Variants in IQCM observed in about 807,000 individuals in gnomAD.
The protein encoded by IQCM is IQ motif containing M.
Under a neutral mutation model 57.6 loss-of-function variants are expected in IQCM, and 45 were observed. The ratio of observed to expected loss-of-function variants is 0.78; its 90% CI spans 0.62 to 1.00. IQCM has a LOEUF of 1.00. Ranked by LOEUF, IQCM falls within the 50% of genes least tolerant of loss-of-function variation. The pLI is 0.00. For missense variants in IQCM, 468 were observed against 511.6 expected (o/e 0.91, Z 0.82); for synonymous variants, 148 against 158.9 (o/e 0.93, Z 0.51).
chr4:149,711,205 C>T (rs1302293030), intron 5 of IQCM: 1 of 152,120 alleles, frequency 6.6e-6, no homozygotes, highest in African/African-American at 2.4e-5. Flanking sequence ...AGAAAAGCAA[C>T]TTGCTCAAGG....
intron 12 of IQCM, among the ~76,000 whole-genome samples, chr4:149,518,527 G>A (rs1165537562): frequency 2.0e-5 from 3 of 152,114 alleles, no homozygotes; most frequent in Non-Finnish European, 4.4e-5. Context: ...CAAATAAGGG[G>A]ATATTTAGGG....
At chr4:149,692,843 T>A (rs796857269) in intron 5 of IQCM, among the ~76,000 whole-genome samples, 2 of 152,000 alleles carry the variant, frequency 1.3e-5, no homozygotes, top group East Asian at 1.9e-4. Context: ...GAAATATAAA[T>A]TATAAATAAC....
chr4:149,786,652 A>T (rs1462581042), intron 2 of IQCM, among the ~76,000 whole-genome samples: 2 of 152,192 alleles, frequency 1.3e-5, no homozygotes, highest in Admixed American at 1.3e-4. Flanking sequence ...ACCAGTCAGA[A>T]TGGTGATTAT....
chr4:149,429,770 C>A (rs1413516395), intron 13 of IQCM, among the ~76,000 whole-genome samples: 3 of 151,800 alleles, frequency 2.0e-5, no homozygotes, highest in Admixed American at 2.0e-4. Context: ...ATAGACTAAT[C>A]TTTTTCAAGA....
chr4:149,377,714 G>C (rs1011487949), intron 13 of IQCM, among the ~76,000 whole-genome samples: 1 of 152,128 alleles, frequency 6.6e-6, no homozygotes, highest in Admixed American at 6.6e-5. Context: ...TGCTATACTA[G>C]CAAGAGCAAA....
At chr4:149,456,998 A>G (rs1737775403) in intron 12 of IQCM, among the ~76,000 whole-genome samples, 1 of 152,082 alleles carries the variant, frequency 6.6e-6, no homozygotes, top group Non-Finnish European at 1.5e-5. Flanking sequence ...CTGTTGAAAC[A>G]TTTTAAAAAG....
At chr4:149,393,439 G>A (rs568551195) in intron 13 of IQCM, among the ~76,000 whole-genome samples, 11 of 151,502 alleles carry the variant, frequency 7.3e-5, no homozygotes, top group South Asian at 4.2e-4. Context: ...TAAACCTAAC[G>A]GAAGCATTTT....
intron 12 of IQCM, among the ~76,000 whole-genome samples, chr4:149,467,427 T>C (rs1384994803): frequency 6.6e-6 from 1 of 152,216 alleles, no homozygotes; most frequent in Non-Finnish European, 1.5e-5. Flanking sequence ...GTTTTAGGGA[T>C]GCATCCATGT....
intron 12 of IQCM, among the ~76,000 whole-genome samples, chr4:149,504,488 C>A (rs1743584869): frequency 6.6e-6 from 1 of 152,110 alleles, no homozygotes; most frequent in Admixed American, 6.6e-5. Flanking sequence ...ACACCCACCC[C>A]CCATGACCCC....
chr4:149,397,319 A>G (rs1732296686), intron 13 of IQCM, among the ~76,000 whole-genome samples: 2 of 151,976 alleles, frequency 1.3e-5, no homozygotes, highest in African/African-American at 4.8e-5. Flanking sequence ...ATTTTAAAAT[A>G]TACCTATTGG....
intron 2 of IQCM, among the ~76,000 whole-genome samples, chr4:149,762,336 G>T (rs1367407334): frequency 2.0e-5 from 3 of 151,764 alleles, no homozygotes; most frequent in African/African-American, 7.3e-5. Flanking sequence ...AAATGATAAA[G>T]TTAAGATACA....
intron 12 of IQCM, among the ~76,000 whole-genome samples, chr4:149,445,019 A>T (rs1445083754): frequency 2.0e-5 from 3 of 151,970 alleles, no homozygotes; most frequent in African/African-American, 7.2e-5. Context: ...AATCATGTCT[A>T]AAATAATGTA....
intron 12 of IQCM, among the ~76,000 whole-genome samples, chr4:149,504,513 A>G (rs968014006): frequency 6.6e-6 from 1 of 151,818 alleles, no homozygotes; most frequent in Non-Finnish European, 1.5e-5. Context: ...ACAAATTCAT[A>G]TGTTGAAATC....
chr4:149,368,306 C>A (rs534683475), intron 13 of IQCM, among the ~76,000 whole-genome samples: 88 of 151,948 alleles, frequency 5.8e-4, no homozygotes, highest in African/African-American at 2.0e-3. Context: ...AATCAACCTT[C>A]TTAGAAGTAT....
At chr4:149,747,602 T>C (rs1393617992) in intron 2 of IQCM, among the ~76,000 whole-genome samples, 1 of 152,156 alleles carries the variant, frequency 6.6e-6, no homozygotes. Flanking sequence ...GATACAGAGG[T>C]CCAACTACAG....
chr4:149,513,061 C>G (rs113326853), intron 12 of IQCM, among the ~76,000 whole-genome samples: 23 of 152,274 alleles, frequency 1.5e-4, no homozygotes, highest in African/African-American at 5.3e-4. Flanking sequence ...CTCTAGGTTA[C>G]CAGTGAACCA....
chr4:149,586,820 T>G (rs1180919361), intron 9 of IQCM, among the ~76,000 whole-genome samples: 1 of 151,774 alleles, frequency 6.6e-6, no homozygotes, highest in Non-Finnish European at 1.5e-5. Context: ...TTTTTAAGTT[T>G]TGAACATTTA....
chr4:149,372,967 C>T (rs755776180), intron 13 of IQCM, among the ~76,000 whole-genome samples: 6 of 152,136 alleles, frequency 3.9e-5, no homozygotes, highest in East Asian at 1.9e-4. Context: ...TGGTTTATCA[C>T]GAAATCTGTG....
chr4:149,739,762 GA>G (rs752308285), intron 3 of IQCM, among the ~76,000 whole-genome samples: 22 of 151,200 alleles, frequency 1.5e-4, no homozygotes, highest in Non-Finnish European at 3.0e-4. Context: ...ATTCCTATAG[GA>G]AAAAAAATAT....
Sources: allele counts gnomAD v4.1 joint callset (sites outside exome capture counted in the v4.1 genomes callset), GRCh38; gene constraint gnomAD v4.1.1; transcripts MANE v1.5; gene names NCBI Gene and HGNC (gene_info 2026-07-23, HGNC 2026-07-21).